The following IL1RAPL2 variants were observed in gnomAD, a reference collection of about 807,000 sequenced individuals.
IL1RAPL2 encodes interleukin 1 receptor accessory protein like 2, also known as X-linked interleukin-1 receptor accessory protein-like 2.
In IL1RAPL2, 3 loss-of-function variants were observed where a neutral mutation model predicts 44.1. The ratio of observed to expected loss-of-function variants is 0.07; its 90% confidence interval spans 0.03 to 0.18. IL1RAPL2 has a LOEUF of 0.18. Ranked by LOEUF, IL1RAPL2 falls within the 10% of genes least tolerant of loss-of-function variation. IL1RAPL2 has a pLI of 1.00. For missense variants in IL1RAPL2, 391 were observed against 496.4 expected, an observed-to-expected ratio of 0.79 and a Z score of 2.02; for synonymous variants, 181 against 178.8, an observed-to-expected ratio of 1.01 and a Z score of -0.10.
In IL1RAPL2 at chrX:105,562,951, A is replaced by G. The variant is rs774390930; in HGVS notation, c.772+78564A>G. Among the ~76,000 whole-genome samples, 8 of 112,209 alleles carry G rather than the reference A, an allele frequency of 7.1e-5. No individual in the cohort carries two copies. The East Asian group carries it at 2.2e-3, about 32-fold the overall frequency. ...GGAAGTACTGTTCTAGTGGTAGAGG[A>G]AGCAAGACAAAAATAACCAAGTACA... On this transcript the variant is annotated intron_variant, in intron 6 of 10. Transcript: ENST00000372582.
chrX:104,653,600 A>G (rs963270375), intron 1 of IL1RAPL2, among the ~76,000 whole-genome samples: 28 of 110,736 alleles, frequency 2.5e-4, no homozygotes, highest in African/African-American at 8.9e-4. Context: ...AACTAGCTGC[A>G]TTGGTTCATT....
At chrX:104,988,438 G>A (rs1017043306) in intron 2 of IL1RAPL2, among the ~76,000 whole-genome samples, 1 of 112,069 alleles carries the variant, frequency 8.9e-6, no homozygotes, top group Admixed American at 9.4e-5. Flanking sequence ...AGAACTAGAT[G>A]TAATATCTTG....
At chrX:105,318,319 C>T (rs2034867726) in intron 5 of IL1RAPL2, among the ~76,000 whole-genome samples, 1 of 111,527 alleles carries the variant, frequency 9.0e-6, no homozygotes, top group South Asian at 3.7e-4. Context: ...CACTTAGGCA[C>T]TCCTCTAGGA....
At chrX:105,351,793 AT>A (rs766982018) in intron 5 of IL1RAPL2, among the ~76,000 whole-genome samples, 13 of 111,786 alleles carry the variant, frequency 1.2e-4, no homozygotes, top group East Asian at 5.6e-4. Context: ...AATAAAAAAA[AT>A]CTTGAACTTT....
intron 5 of IL1RAPL2, among the ~76,000 whole-genome samples, chrX:105,345,800 CAAATT>C (rs1423393527): frequency 4.5e-5 from 5 of 111,603 alleles, no homozygotes; most frequent in African/African-American, 1.6e-4. Flanking sequence ...TTCTAAGTCT[CAAATT>C]AAAAGACATC....
At chrX:105,210,532 C>T (rs1297075990) in intron 3 of IL1RAPL2, among the ~76,000 whole-genome samples, 1 of 110,977 alleles carries the variant, frequency 9.0e-6, no homozygotes, top group Admixed American at 9.6e-5. Flanking sequence ...TACTGGGCAT[C>T]CAGTTAGTTG....
rs1030653834 is a variant in IL1RAPL2 at position 105,442,354 on chromosome X, G to A, written c.698-41959G>A. On this transcript the variant is annotated intron_variant, in intron 5 of 10. Transcript: ENST00000372582. ...GCTGGGATTACAGGTGTGAGCCACC[G>A]TGCCCGGCCATGAATTGGGTTCTTA... Among the ~76,000 whole-genome samples the A allele has an allele frequency of 2.7e-5, 3 of 111,179 alleles. No homozygotes were observed. In the East Asian group the frequency reaches 8.6e-4, roughly 32 times the overall value.
At chrX:104,979,858 G>C (rs2147725679) in intron 2 of IL1RAPL2, among the ~76,000 whole-genome samples, 1 of 112,071 alleles carries the variant, frequency 8.9e-6, no homozygotes, top group African/African-American at 3.2e-5. Flanking sequence ...ACTGGGACAT[G>C]TGTTACTGGA....
chrX:105,375,403 C>T (rs752723691), intron 5 of IL1RAPL2, among the ~76,000 whole-genome samples: 101 of 111,116 alleles, frequency 9.1e-4, no homozygotes, highest in African/African-American at 3.0e-3. Flanking sequence ...CCCAGCTGCT[C>T]AGGAGGCTGA....
chrX:105,603,539 A>AAT (rs1427967046), intron 6 of IL1RAPL2, among the ~76,000 whole-genome samples: 1 of 111,642 alleles, frequency 9.0e-6, no homozygotes, highest in Non-Finnish European at 1.9e-5. Flanking sequence ...ATCAAAAGCA[A>AAT]ATATTATTAG....
intron 2 of IL1RAPL2, among the ~76,000 whole-genome samples, chrX:105,076,110 C>T (rs1480324920): frequency 4.5e-5 from 5 of 111,160 alleles, no homozygotes; most frequent in Admixed American, 9.6e-5. Flanking sequence ...GCTCTTGCTT[C>T]TCTAGTTCTT....
At chrX:104,715,186 ATCTTTTCC>A (rs1166018301) in intron 2 of IL1RAPL2, among the ~76,000 whole-genome samples, 6 of 109,581 alleles carry the variant, frequency 5.5e-5, no homozygotes, top group Non-Finnish European at 1.1e-4. Flanking sequence ...CAGTAAATCA[ATCTTTTCC>A]TGGTTCAGTC....
At chrX:104,998,334 G>A (rs1277514056) in intron 2 of IL1RAPL2, among the ~76,000 whole-genome samples, 1 of 111,475 alleles carries the variant, frequency 9.0e-6, no homozygotes, top group Non-Finnish European at 1.9e-5. Flanking sequence ...GGAGTGAAAT[G>A]AGGGGGAGGA....
intron 5 of IL1RAPL2, among the ~76,000 whole-genome samples, chrX:105,288,407 T>C (rs1425056395): frequency 2.3e-5 from 2 of 86,476 alleles, no homozygotes; most frequent in African/African-American, 5.9e-5. Context: ...GCTATCTACT[T>C]TTGAAAAAAA....
chrX:105,662,009 G>T (rs1735216693), intron 6 of IL1RAPL2, among the ~76,000 whole-genome samples: 1 of 112,366 alleles, frequency 8.9e-6, no homozygotes, highest in Non-Finnish European at 1.9e-5. Flanking sequence ...AATAGAAATA[G>T]ATTATTAAAT....
intron 5 of IL1RAPL2, among the ~76,000 whole-genome samples, chrX:105,362,670 T>TA (rs1332470160): frequency 1.8e-5 from 2 of 111,003 alleles, no homozygotes; most frequent in African/African-American, 6.5e-5. Context: ...AAAATGTATT[T>TA]AAAAAACAGG....
chrX:105,377,452 A>G (rs1386868464), intron 5 of IL1RAPL2, among the ~76,000 whole-genome samples: 1 of 109,434 alleles, frequency 9.1e-6, no homozygotes, highest in Non-Finnish European at 1.9e-5. Flanking sequence ...TAAGTATTTA[A>G]TTGCTCTATA....
At chrX:105,362,807 T>C (rs987912465) in intron 5 of IL1RAPL2, among the ~76,000 whole-genome samples, 2 of 111,788 alleles carry the variant, frequency 1.8e-5, no homozygotes, top group Non-Finnish European at 3.8e-5. Flanking sequence ...GATCTATGTG[T>C]ATATTGTAGA....
chrX:105,229,720 A>T (rs999926845), intron 3 of IL1RAPL2, among the ~76,000 whole-genome samples: 5 of 111,355 alleles, frequency 4.5e-5, no homozygotes, highest in South Asian at 7.6e-4. Context: ...GTGCCTGGAA[A>T]CCTGGCTTTG....
Sources: gnomAD v4.1 joint callset for allele counts (sites outside exome capture counted in the v4.1 genomes callset) on GRCh38, gnomAD v4.1.1 for gene constraint, MANE v1.5 for transcripts, NCBI Gene and HGNC (gene_info 2026-07-23, HGNC 2026-07-21) for gene names.